The following UBE3C variants were observed in gnomAD, a reference collection of about 807,000 sequenced individuals.
UBE3C encodes ubiquitin-protein ligase E3C.
In UBE3C, 42 loss-of-function variants were observed where a neutral mutation model predicts 129.4. The observed-to-expected ratio is 0.32, with a 90% CI of 0.25 to 0.42. UBE3C has a LOEUF of 0.42. Ranked by LOEUF, UBE3C falls within the 10% of genes least tolerant of loss-of-function variation. UBE3C has a pLI of 1.00. For synonymous variants in UBE3C, 510 were observed against 492.4 expected (o/e 1.04, Z -0.47); for missense variants, 1,049 against 1,319.1 (o/e 0.80, Z 3.17).
At position 157,224,743 on chromosome 7, in the gene UBE3C, T is replaced by C. The variant is rs544526705; in HGVS notation, c.2101-664T>C. Reference sequence around the variant, plus strand: ...AAAGAGTTTCTTTTGAAGCTGTTCATGTCCCTTTACTAAACCCTCCCTGCA... The same window carrying C: ...AAAGAGTTTCTTTTGAAGCTGTTCACGTCCCTTTACTAAACCCTCCCTGCA... On this transcript the variant is annotated intron_variant, in intron 16 of 22. Transcript: ENST00000348165. Among the ~76,000 whole-genome samples the C allele has an allele frequency of 1.8e-4, 27 of 151,878 alleles. 1 individual carries two copies. The South Asian group carries it at 5.6e-3, about 32-fold the overall frequency.
chr7:157,218,009 C>T lies in UBE3C; in HGVS notation c.1914+1038C>T, dbSNP rs140611875. ...CTGCACTGCAGCCTGGGTGACAGAGCGAGATTCTGTCTCCAGAAAAAACAA... is the reference window on the plus strand; with the variant it reads ...CTGCACTGCAGCCTGGGTGACAGAGTGAGATTCTGTCTCCAGAAAAAACAA... On this transcript the variant is annotated intron_variant, in intron 14 of 22. Coordinates refer to ENST00000348165, the MANE Select transcript of UBE3C (RefSeq NM_014671.3). Among the ~76,000 whole-genome samples, 290 of 152,064 alleles carry T rather than the reference C, an allele frequency of 1.9e-3. 3 individuals are homozygous for T. Among genetic ancestry groups the T allele is most frequent in the African/African-American group, 6.3e-3 (263 of 41,466 alleles).
intron 22 of UBE3C, among the ~76,000 whole-genome samples, chr7:157,261,142 A>C (rs534730487): frequency 6.6e-6 from 1 of 151,726 alleles, no homozygotes; most frequent in African/African-American, 2.4e-5. Flanking sequence ...GCCTCTACTA[A>C]ATACAAAAAA....
intron 22 of UBE3C, among the ~76,000 whole-genome samples, chr7:157,262,629 C>G (rs1435142880): frequency 6.6e-6 from 1 of 151,896 alleles, no homozygotes; most frequent in African/African-American, 2.4e-5. Context: ...CCATGTTGGC[C>G]AGGCTGGTCT....
At chr7:157,151,546 C>T (rs1051738075) in intron 1 of UBE3C, among the ~76,000 whole-genome samples, 2 of 152,142 alleles carry the variant, frequency 1.3e-5, no homozygotes, top group Non-Finnish European at 2.9e-5. Context: ...TTCTTGTGAA[C>T]TGTTACCTTC....
At chr7:157,185,031 A>T (rs1414987760) in intron 9 of UBE3C, among the ~76,000 whole-genome samples, 1 of 152,234 alleles carries the variant, frequency 6.6e-6, no homozygotes, top group Non-Finnish European at 1.5e-5. Flanking sequence ...GTATGTTTAT[A>T]AAAAAGAGTG....
Position 157,256,746 on chromosome 7 carries a change from G to A in UBE3C, c.2951-168G>A, listed in dbSNP as rs539897603. 5.5e-6 allele frequency: 4 copies of A among 725,856 alleles called. No individual in the cohort carries two copies. In the East Asian group the frequency reaches 1.1e-4, roughly 20 times the overall value. 45.0% of individuals were successfully genotyped at this position (725,856 alleles called of 1,614,324 possible). ...TTGTACCAGTGCTCTAGAGATCATG[G>A]AAGTGCACAGCACGTACACAGGTGA... On this transcript the variant is annotated intron_variant, in intron 21 of 22. Coordinates refer to ENST00000348165, the MANE Select transcript of UBE3C (RefSeq NM_014671.3).
At chr7:157,169,548 G>T (rs1291129137) in intron 3 of UBE3C, among the ~76,000 whole-genome samples, 1 of 151,994 alleles carries the variant, frequency 6.6e-6, no homozygotes, top group Non-Finnish European at 1.5e-5. Flanking sequence ...GCTGATTTTT[G>T]TATTGTTAGT....
chr7:157,150,267 T>C (rs563010337), intron 1 of UBE3C, among the ~76,000 whole-genome samples: 12 of 152,100 alleles, frequency 7.9e-5, no homozygotes, highest in African/African-American at 2.9e-4. Context: ...TAATCCCAGC[T>C]ACTTGGGAGG....
At chr7:157,252,635 G>A (rs1412091672) in intron 19 of UBE3C, among the ~76,000 whole-genome samples, 1 of 152,192 alleles carries the variant, frequency 6.6e-6, no homozygotes, top group African/African-American at 2.4e-5. Flanking sequence ...CTTAAGTCAG[G>A]CTCTCTAGCA....
rs1795788762 is a variant in UBE3C, at chr7:157,223,284, C to T, written c.2033C>T (p.Ser678Phe). 2 of 1,614,010 alleles carry T rather than the reference C, an allele frequency of 1.2e-6. No homozygotes were observed. Among genetic ancestry groups the T allele is most frequent in the African/African-American group, 1.3e-5 (1 of 74,910 alleles). The change falls in exon 16 of 23, where the codon TCT (serine) becomes TTT (phenylalanine). Residue 678 changes from serine (S) to phenylalanine (F), a missense_variant. This residue lies in a region of UBE3C where 314 missense variants were observed against 416.9 expected (regional missense o/e 0.75). Transcript: ENST00000348165. ...VGLESPPLSVSEERQLAVLTE... is the reference protein window; with the variant it reads ...VGLESPPLSVFEERQLAVLTE... Reference sequence around the variant, plus strand: ...TTGGAGTCCCCGCCGCTGTCTGTGTCTGAGGAAAGACAGCTTGCTGTCCTG... The same window carrying T: ...TTGGAGTCCCCGCCGCTGTCTGTGTTTGAGGAAAGACAGCTTGCTGTCCTG...
intron 2 of UBE3C, among the ~76,000 whole-genome samples, chr7:157,167,937 G>A (rs1363096797): frequency 2.0e-5 from 3 of 152,158 alleles, no homozygotes; most frequent in Non-Finnish European, 4.4e-5. Flanking sequence ...CCAGGTCGCT[G>A]AACATTTTAA....
intron 1 of UBE3C, among the ~76,000 whole-genome samples, chr7:157,146,973 A>G (rs1477482194): frequency 1.3e-5 from 2 of 152,284 alleles, no homozygotes; most frequent in Middle Eastern, 3.4e-3. Flanking sequence ...GAAGTCTGGT[A>G]GTGTGAGTCC....
intron 7 of UBE3C, 25 bp downstream of exon 7, chr7:157,181,696 T>C (rs1176202296): frequency 5.0e-6 from 8 of 1,608,068 alleles, no homozygotes; most frequent in Non-Finnish European, 6.8e-6. Flanking sequence ...GATTTATTGA[T>C]TTTGTCCTTT....
chr7:157,256,465 G>C (rs959224614), intron 21 of UBE3C, among the ~76,000 whole-genome samples: 2 of 146,028 alleles, frequency 1.4e-5, no homozygotes, highest in African/African-American at 5.0e-5. Flanking sequence ...TCCTTAAGTT[G>C]CTCTCCCCTT....
intron 8 of UBE3C, 37 bp downstream of exon 8, chr7:157,182,365 T>TA (rs1489850764): frequency 3.8e-6 from 6 of 1,597,768 alleles, no homozygotes; most frequent in Non-Finnish European, 5.1e-6. Context: ...TGAACACACA[T>TA]ATGGGTAGCA....
At chr7:157,151,150 G>A (rs1389837825) in intron 1 of UBE3C, among the ~76,000 whole-genome samples, 1 of 152,246 alleles carries the variant, frequency 6.6e-6, no homozygotes, top group Non-Finnish European at 1.5e-5. Flanking sequence ...GGCAGCAGTA[G>A]CAAAGCGTCT....
intron 21 of UBE3C, 140 bp from the exon 22 acceptor site, chr7:157,256,774 C>T: frequency 2.9e-6 from 3 of 1,035,436 alleles, no homozygotes; most frequent in Non-Finnish European, 4.3e-6. Context: ...ACAGGTGATA[C>T]ACACATGCCA....
intron 14 of UBE3C, among the ~76,000 whole-genome samples, chr7:157,218,272 C>G (rs1795636632): frequency 6.6e-6 from 1 of 151,908 alleles, no homozygotes; most frequent in African/African-American, 2.4e-5. Context: ...ATGGTCAAAC[C>G]CAGTCTCTAC....
At chr7:157,229,766 C>T (rs1795972900) in intron 17 of UBE3C, among the ~76,000 whole-genome samples, 2 of 151,988 alleles carry the variant, frequency 1.3e-5, no homozygotes, top group Non-Finnish European at 2.9e-5. Context: ...AGGCACATAC[C>T]ACCATGCCCA....
Sources: gnomAD v4.1 joint callset for allele counts (sites outside exome capture counted in the v4.1 genomes callset) on GRCh38, gnomAD v4.1.1 for gene constraint, gnomAD v4.1.1 regional missense constraint, MANE v1.5 for transcripts, NCBI Gene and HGNC (gene_info 2026-07-23, HGNC 2026-07-21) for gene names.